The following GFRA1 variants were observed in gnomAD, a reference collection of about 807,000 sequenced individuals.
GFRA1 encodes the protein GDNF family receptor alpha 1, also known as GDNF family receptor alpha-1.
GFRA1 carries 16 observed loss-of-function variants against 51.6 expected under a neutral mutation model. That is an observed-to-expected ratio of 0.31 (90% CI 0.21 to 0.47). The LOEUF is 0.47. Among genes scored for constraint, GFRA1 ranks in the 20% least tolerant of loss-of-function variants. The pLI is 1.00. For missense variants in GFRA1, 530 were observed against 594.3 expected, an observed-to-expected ratio of 0.89 and a Z score of 1.13; for synonymous variants, 270 against 241.3, an observed-to-expected ratio of 1.12 and a Z score of -1.10.
At chr10:116,253,021 T>C (rs1968515858) in intron 4 of GFRA1, among the ~76,000 whole-genome samples, 1 of 152,200 alleles carries the variant, frequency 6.6e-6, no homozygotes, top group South Asian at 2.1e-4. Flanking sequence ...GTCCACAAGA[T>C]TAAAAGAGAA....
Position 116,220,930 on chromosome 10 carries a change from T to TAACATAGCCCC in GFRA1, c.419-9286_419-9285insGGGGCTATGTT, listed in dbSNP as rs531577557. On this transcript the variant is annotated intron_variant, in intron 4 of 10. Coordinates refer to ENST00000355422, the MANE Select transcript of GFRA1 (RefSeq NM_005264.8). ...TCAACTGTACATCTCCTTGGTGCCC[T>TAACATAGCCCC]AACATACACCTGTTATTTTCTTTCT... Among the ~76,000 whole-genome samples, 534 of 152,324 alleles carry TAACATAGCCCC rather than the reference T, an allele frequency of 3.5e-3. 2 individuals carry two copies. Among genetic ancestry groups the TAACATAGCCCC allele is most frequent in the Non-Finnish European group, 5.9e-3 (399 of 68,034 alleles).
intron 9 of GFRA1, among the ~76,000 whole-genome samples, chr10:116,084,761 AACACACACACACACACACACACAC>A (rs5788130): frequency 2.4e-4 from 33 of 140,088 alleles, no homozygotes; most frequent in Admixed American, 1.6e-3. Flanking sequence ...TTAAATAAGT[AACACACACACACACACACACACAC>A]ACACACACAC....
intron 4 of GFRA1, among the ~76,000 whole-genome samples, chr10:116,247,796 A>G (rs1475739504): frequency 6.6e-6 from 1 of 152,146 alleles, no homozygotes; most frequent in African/African-American, 2.4e-5. Context: ...ATATTCATGT[A>G]TCATCTGCCC....
At chr10:116,257,489 A>G (rs897188164) in intron 4 of GFRA1, among the ~76,000 whole-genome samples, 11 of 151,980 alleles carry the variant, frequency 7.2e-5, no homozygotes, top group African/African-American at 2.4e-4. Flanking sequence ...AACTTGACCC[A>G]CACTTGCTCT....
intron 6 of GFRA1, among the ~76,000 whole-genome samples, chr10:116,109,853 C>G (rs1210650960): frequency 5.9e-5 from 9 of 152,142 alleles, no homozygotes; most frequent in Admixed American, 5.9e-4. Flanking sequence ...GGCCAAATCC[C>G]AACTGCCCTG....
At chr10:116,174,487 A>T (rs548633312) in intron 5 of GFRA1, among the ~76,000 whole-genome samples, 1 of 152,182 alleles carries the variant, frequency 6.6e-6, no homozygotes, top group Non-Finnish European at 1.5e-5. Flanking sequence ...TAAGACTTCA[A>T]TGTGTTGTTA....
intron 9 of GFRA1, 123 bp downstream of exon 9, chr10:116,089,618 A>G (rs1460585268): frequency 9.3e-6 from 8 of 858,306 alleles, no homozygotes; most frequent in Middle Eastern, 3.3e-4. Flanking sequence ...TGCAGTTTTG[A>G]GACTCAAACC....
intron 5 of GFRA1, among the ~76,000 whole-genome samples, chr10:116,166,945 G>A (rs182104290): frequency 0.021 from 3,205 of 151,478 alleles, 55 homozygotes; most frequent in Admixed American, 0.034. Flanking sequence ...GACTACAGGC[G>A]CCCGCCTCCA....
At chr10:116,079,216 C>T (rs1430413669) in intron 9 of GFRA1, among the ~76,000 whole-genome samples, 1 of 152,070 alleles carries the variant, frequency 6.6e-6, no homozygotes, top group Non-Finnish European at 1.5e-5. Flanking sequence ...CCCAATCTGC[C>T]CACACCTTGA....
At chr10:116,146,807 G>T (rs1387044399) in intron 5 of GFRA1, among the ~76,000 whole-genome samples, 1 of 152,182 alleles carries the variant, frequency 6.6e-6, no homozygotes, top group Non-Finnish European at 1.5e-5. Context: ...AGAGTGAAAA[G>T]CGACAGTGAT....
intron 4 of GFRA1, among the ~76,000 whole-genome samples, chr10:116,244,533 A>T (rs1843557374): frequency 6.7e-6 from 1 of 149,152 alleles, no homozygotes; most frequent in Non-Finnish European, 1.5e-5. Flanking sequence ...AAGTTCCTAT[A>T]AAAATATATA....
At chr10:116,211,548 C>G in intron 5 of GFRA1, 83 bp downstream of exon 5, 1 of 1,262,788 alleles carries the variant, frequency 7.9e-7, no homozygotes, top group Non-Finnish European at 1.1e-6. Context: ...CGGGAAACCC[C>G]ATAACCCTCT....
At chr10:116,148,081 T>TGTGCATGC (rs1565610600) in intron 5 of GFRA1, among the ~76,000 whole-genome samples, 68 of 33,290 alleles carry the variant, frequency 2.0e-3, no homozygotes, top group East Asian at 4.7e-3. Flanking sequence ...TGTGCATGTG[T>TGTGCATGC]GTGTGTGCAT....
chr10:116,099,497 T>G (rs1035669540), intron 6 of GFRA1, among the ~76,000 whole-genome samples: 12 of 152,174 alleles, frequency 7.9e-5, no homozygotes, highest in African/African-American at 2.9e-4. Flanking sequence ...GCAATAGCAA[T>G]TAACCTCTGG....
rs1648226565 is a variant in GFRA1 at position 116,272,208 on chromosome 10, G to A, written c.-179C>T. The A allele has an allele frequency of 3.1e-6, 2 of 651,710 alleles. No individual in the cohort carries two copies. Among genetic ancestry groups the A allele is most frequent in the Non-Finnish European group, 5.4e-6 (2 of 367,438 alleles). 40.4% of individuals were successfully genotyped at this position (651,710 alleles called of 1,614,324 possible). A position where few individuals can be genotyped will look rare whatever the true frequency, so the allele number is the denominator to read the frequency against. ...GGTCTGGCAGCAGCCACCGCCGCCG[G>A]CGACTCAGCTCCGGGATGGCGAGGG... is the stretch of plus-strand genomic sequence containing the variant. On this transcript the variant is annotated 5_prime_UTR_variant, in exon 2 of 11. Coordinates refer to ENST00000355422, the MANE Select transcript of GFRA1 (RefSeq NM_005264.8). This position sits in a 1 kb window ranked among gnomAD's most constrained non-coding sequence, Gnocchi z 4.4.
chr10:116,109,794 C>A (rs1356882042), intron 6 of GFRA1, among the ~76,000 whole-genome samples: 1 of 152,176 alleles, frequency 6.6e-6, no homozygotes, highest in African/African-American at 2.4e-5. Flanking sequence ...GAAGAGCAGA[C>A]ATATGTGCAG....
chr10:116,263,125 AGAG>A (rs769012558), intron 4 of GFRA1, among the ~76,000 whole-genome samples: 16 of 152,174 alleles, frequency 1.1e-4, no homozygotes, highest in Admixed American at 2.0e-4. Flanking sequence ...CCTTTTGGAT[AGAG>A]GATAGATTTT....
intron 6 of GFRA1, among the ~76,000 whole-genome samples, chr10:116,103,477 A>G (rs966991743): frequency 6.6e-6 from 1 of 152,190 alleles, no homozygotes; most frequent in Non-Finnish European, 1.5e-5. Flanking sequence ...GACCAAAACA[A>G]ATTTGAGAAG....
At chr10:116,217,122 C>T (rs1965618882) in intron 4 of GFRA1, among the ~76,000 whole-genome samples, 1 of 152,172 alleles carries the variant, frequency 6.6e-6, no homozygotes, top group African/African-American at 2.4e-5. Context: ...TTTCAGTTGA[C>T]AAAGCCCAGG....
Sources: allele counts gnomAD v4.1 joint callset (sites outside exome capture counted in the v4.1 genomes callset), GRCh38; gene constraint gnomAD v4.1.1; non-coding constraint Gnocchi (gnomAD v3.1); transcripts MANE v1.5; gene names NCBI Gene and HGNC (gene_info 2026-07-23, HGNC 2026-07-21).